Variants in PGAP1 observed in about 807,000 individuals in gnomAD.
PGAP1 encodes post-GPI attachment to proteins inositol deacylase 1, also known as GPI inositol-deacylase.
In PGAP1, 76 loss-of-function variants were observed where a neutral mutation model predicts 127.0. That is an observed-to-expected ratio of 0.60 (90% CI 0.50 to 0.72). PGAP1 has a LOEUF of 0.72. Among genes scored for constraint, PGAP1 ranks in the 30% least tolerant of loss-of-function variants. The pLI, the probability that PGAP1 is intolerant of heterozygous loss-of-function variation, is 0.00. For synonymous variants in PGAP1, 362 were observed against 366.5 expected, an observed-to-expected ratio of 0.99 and a Z score of 0.14; for missense variants, 982 against 1,071.3, an observed-to-expected ratio of 0.92 and a Z score of 1.16.
chr2:196,867,214 C>A (rs1347075057), intron 19 of PGAP1, among the ~76,000 whole-genome samples: 1 of 152,080 alleles, frequency 6.6e-6, no homozygotes, highest in Non-Finnish European at 1.5e-5. Context: ...TTCACAATAG[C>A]AAAGACTTGG....
intron 10 of PGAP1, among the ~76,000 whole-genome samples, chr2:196,889,291 A>T (rs1702021041): frequency 6.6e-6 from 1 of 151,994 alleles, no homozygotes; most frequent in Non-Finnish European, 1.5e-5. Context: ...GAGAGATGCA[A>T]GTCTCTGTGA....
At chr2:196,843,382 GATTTA>G (rs1342193463) in intron 25 of PGAP1, among the ~76,000 whole-genome samples, 1 of 152,080 alleles carries the variant, frequency 6.6e-6, no homozygotes, top group Non-Finnish European at 1.5e-5. Flanking sequence ...AGCAACCTTT[GATTTA>G]ATTTGAACTT....
chr2:196,922,353 T>A (rs1435378698), intron 1 of PGAP1: 3 of 982,994 alleles, frequency 3.1e-6, no homozygotes, highest in Non-Finnish European at 3.6e-6. Context: ...GATTTTGATC[T>A]AGATGAATAC....
chr2:196,897,848 G>C (rs1351978203), intron 6 of PGAP1, among the ~76,000 whole-genome samples: 3 of 152,178 alleles, frequency 2.0e-5, no homozygotes, highest in Non-Finnish European at 2.9e-5. Flanking sequence ...ACTGAAACAA[G>C]AACCAAGATG....
intron 4 of PGAP1, among the ~76,000 whole-genome samples, chr2:196,904,859 A>T (rs1576185296): frequency 6.6e-6 from 1 of 152,326 alleles, no homozygotes; most frequent in East Asian, 1.9e-4. Flanking sequence ...GGGGCAGAGC[A>T]GCAGGAACCT....
chr2:196,897,065 T>A, intron 7 of PGAP1, 66 bp downstream of exon 7: 2 of 882,200 alleles, frequency 2.3e-6, no homozygotes, highest in Admixed American at 5.6e-5. Flanking sequence ...AAATCCATCA[T>A]GGCTGTAAAT....
intron 12 of PGAP1, among the ~76,000 whole-genome samples, chr2:196,883,385 T>C (rs1303034755): frequency 6.6e-6 from 1 of 152,202 alleles, no homozygotes; most frequent in Non-Finnish European, 1.5e-5. Flanking sequence ...TTATCAAACA[T>C]AAACTCCTGG....
At chr2:196,885,806 TA>T (rs1355043999) in intron 11 of PGAP1, 27 bp downstream of exon 11, 1 of 1,375,060 alleles carries the variant, frequency 7.3e-7, no homozygotes, top group Non-Finnish European at 9.5e-7. Flanking sequence ...TATGTTGAGA[TA>T]AATGAACATG....
intron 10 of PGAP1, among the ~76,000 whole-genome samples, chr2:196,887,767 CAAAT>C (rs1701965461): frequency 6.6e-6 from 1 of 152,016 alleles, no homozygotes; most frequent in African/African-American, 2.4e-5. Context: ...TGACAGGAAA[CAAAT>C]AAAAAAGTGT....
chr2:196,903,435 C>T (rs1488223728), intron 4 of PGAP1, among the ~76,000 whole-genome samples: 2 of 151,634 alleles, frequency 1.3e-5, no homozygotes, highest in East Asian at 3.9e-4. Flanking sequence ...GTGGTGCGCA[C>T]CTGTAGTCCC....
rs1200765549 is a variant in PGAP1 at position 196,837,734 on chromosome 2, C to G, written c.*3500G>C. ...TAGTATCACATGAATGACAAGACAA[C>G]CAACAACAAACACTATGCCTATTAC... On this transcript the variant is annotated 3_prime_UTR_variant, in exon 27 of 27. Coordinates refer to ENST00000354764, the MANE Select transcript of PGAP1 (RefSeq NM_024989.4). 2.6e-5 allele frequency: 4 copies of G among 152,138 alleles called. No homozygotes were observed. Among genetic ancestry groups the G allele is most frequent in the Non-Finnish European group, 4.4e-5 (3 of 68,012 alleles). The allele number at this position is 152,138 out of a possible 1,614,324, so 9.4% of individuals were successfully genotyped here.
In PGAP1 at chr2:196,865,011, G is replaced by C; in HGVS notation, c.1837C>G (p.Gln613Glu). 6.4e-7 allele frequency: 1 copy of C among 1,556,710 alleles called. No homozygotes were observed. The highest frequency in any genetic ancestry group is 8.6e-7 in the Non-Finnish European group (1 of 1,158,368). ...VSNILLAYRG[Q>E]LYSLFSTGCC... ...CCTGTTGAGAAAAGAGAATATAACTGTCCTCTATAAGCAAGAAGGATATTA... is the reference window on the plus strand; with the variant it reads ...CCTGTTGAGAAAAGAGAATATAACTCTCCTCTATAAGCAAGAAGGATATTA... Residue 613 changes from glutamine (Q) to glutamate (E), a missense_variant, in exon 20 of 27, where the codon CAG (glutamine) becomes GAG (glutamate). Gln to Glu is a conservative substitution (Grantham distance 29). Transcript: ENST00000354764.
chr2:196,846,040 T>G (rs770947616), intron 22 of PGAP1, 23 bp from the exon 23 acceptor site: 1 of 1,393,244 alleles, frequency 7.2e-7, no homozygotes. Flanking sequence ...GAATAAAGTT[T>G]AAAATATATA....
At chr2:196,905,932 C>T (rs2125830587) in intron 4 of PGAP1, among the ~76,000 whole-genome samples, 1 of 65,616 alleles carries the variant, frequency 1.5e-5, no homozygotes, top group South Asian at 6.0e-4. Context: ...ATATCCCACA[C>T]CTGGCTCAGA....
At chr2:196,893,915 C>T (rs922401042) in intron 7 of PGAP1, among the ~76,000 whole-genome samples, 3 of 152,030 alleles carry the variant, frequency 2.0e-5, no homozygotes, top group Non-Finnish European at 2.9e-5. Context: ...TAATTGAGGC[C>T]CTGACAGGTA....
Position 196,836,865 on chromosome 2 carries a change from C to T in PGAP1, c.*4369G>A, listed in dbSNP as rs1189669767. 1 of 152,080 alleles carries T rather than the reference C, an allele frequency of 6.6e-6. No individual in the cohort carries two copies. Among genetic ancestry groups the T allele is most frequent in the Non-Finnish European group, 1.5e-5 (1 of 67,970 alleles). The allele number at this position is 152,080 out of a possible 1,614,324, so 9.4% of individuals were successfully genotyped here. On this transcript the variant is annotated 3_prime_UTR_variant, in exon 27 of 27. Transcript: ENST00000354764. ...ATGTCATGCACTCCAAATGGATTTT[C>T]CCCAGTAAATTTTACAAAGTATCTT...
rs1254248635 is a variant in PGAP1 at position 196,833,993 on chromosome 2, TATTA to T, written c.*7237_*7240del. ...TTAAAATATACTACATGAATGAGTT[TATTA>T]ATTATTAAAAATAATTATTGTGTAA... On this transcript the variant is annotated 3_prime_UTR_variant, in exon 27 of 27. Transcript: ENST00000354764. 1 of 152,040 alleles carries T rather than the reference TATTA, an allele frequency of 6.6e-6. No homozygotes were observed. Among genetic ancestry groups the T allele is most frequent in the Non-Finnish European group, 1.5e-5 (1 of 67,930 alleles). 9.4% of individuals were successfully genotyped at this position (152,040 alleles called of 1,614,324 possible).
chr2:196,871,002 A>T, intron 18 of PGAP1, 23 bp from the exon 19 acceptor site: 2 of 1,562,822 alleles, frequency 1.3e-6, no homozygotes, highest in Non-Finnish European at 1.8e-6. Flanking sequence ...AATTATTGAA[A>T]AAAAAGGTTA....
At chr2:196,889,774 G>T (rs1702036453) in intron 10 of PGAP1, among the ~76,000 whole-genome samples, 1 of 151,010 alleles carries the variant, frequency 6.6e-6, no homozygotes, top group East Asian at 2.0e-4. Context: ...CAGGAGAATG[G>T]CGTGAACCCG....
Sources: allele counts gnomAD v4.1 joint callset (sites outside exome capture counted in the v4.1 genomes callset), GRCh38; gene constraint gnomAD v4.1.1; transcripts MANE v1.5; gene names NCBI Gene and HGNC (gene_info 2026-07-23, HGNC 2026-07-21).